The following ARHGAP29 variants were observed in gnomAD, a reference collection of about 807,000 sequenced individuals.
ARHGAP29 encodes the protein rho GTPase-activating protein 29.
A neutral mutation model predicts 122.6 loss-of-function variants in ARHGAP29; 43 were observed. The ratio of observed to expected loss-of-function variants is 0.35; its 90% CI spans 0.27 to 0.45. ARHGAP29 has a LOEUF of 0.45. Ranked by LOEUF, ARHGAP29 falls within the 20% of genes least tolerant of loss-of-function variation. The pLI is 1.00. For synonymous variants in ARHGAP29, 506 were observed against 497.1 expected (o/e 1.02, Z -0.24); for missense variants, 1,303 against 1,477.2 (o/e 0.88, Z 1.93).
At chr1:94,257,920 G>A (rs1328668409) in intron 1 of ARHGAP29, among the ~76,000 whole-genome samples, 1 of 152,218 alleles carries the variant, frequency 6.6e-6, no homozygotes, top group Non-Finnish European at 1.5e-5. Context: ...TCCAGCATAT[G>A]CACTGATTTG....
At chr1:94,235,264 A>T (rs1653183807) in intron 1 of ARHGAP29, among the ~76,000 whole-genome samples, 2 of 152,360 alleles carry the variant, frequency 1.3e-5, no homozygotes, top group East Asian at 3.9e-4. Flanking sequence ...ATGAACTATG[A>T]TAATGAGAAG....
In ARHGAP29 at chr1:94,203,266, A is replaced by G. The variant is rs1570531970; in HGVS notation, c.763-56T>C. 72 of 1,258,052 alleles carry G rather than the reference A, an allele frequency of 5.7e-5. 1 individual carries two copies. The South Asian group carries it at 9.8e-4, about 17-fold the overall frequency. 77.9% of individuals were successfully genotyped at this position (1,258,052 alleles called of 1,614,324 possible). A position where few individuals can be genotyped will look rare whatever the true frequency, so the allele number is the denominator to read the frequency against. On this transcript the variant is annotated intron_variant, in intron 8 of 22. Transcript: ENST00000260526. ...CAATAGAAATGGCACTAGAATTCCA[A>G]ACACATCACTACCCTTCTTCAAAAA...
Position 94,234,911 on chromosome 1 carries a change from C to A in ARHGAP29, c.-33+2504G>T, listed in dbSNP as rs184517455. 9.6e-3 allele frequency among the ~76,000 whole-genome samples: 1,457 copies of A among 152,200 alleles called. 11 individuals carry two copies. Among genetic ancestry groups the A allele is most frequent in the Middle Eastern group, 0.031 (9 of 294 alleles). On this transcript the variant is annotated intron_variant, in intron 1 of 22. Transcript: ENST00000260526. Reference sequence around the variant, plus strand: ...GTTACAAAAATTAAAGACATTAAAACAATTTACCTATTTTAGCAGAAATAA... The same window carrying A: ...GTTACAAAAATTAAAGACATTAAAAAAATTTACCTATTTTAGCAGAAATAA...
intron 3 of ARHGAP29, among the ~76,000 whole-genome samples, chr1:94,210,203 G>A (rs1474096522): frequency 6.6e-6 from 1 of 152,090 alleles, no homozygotes; most frequent in East Asian, 1.9e-4. Context: ...TTCCCTATAT[G>A]ACCCCTCCCT....
chr1:94,253,647 C>G (rs1201213515), intron 1 of ARHGAP29, among the ~76,000 whole-genome samples: 1 of 150,786 alleles, frequency 6.6e-6, no homozygotes, highest in Non-Finnish European at 1.5e-5. Context: ...CACGCACGCA[C>G]GCACGCACGC....
At chr1:94,278,377 A>C (rs1414321519), upstream of ARHGAP29, among the ~76,000 whole-genome samples, 3 of 152,236 alleles carry the variant, frequency 2.0e-5, no homozygotes, top group Non-Finnish European at 2.9e-5. Flanking sequence ...CTTTCAAGGA[A>C]TATTTCTGCA....
At chr1:94,251,718 C>G (rs1654104170) in intron 1 of ARHGAP29, among the ~76,000 whole-genome samples, 2 of 152,118 alleles carry the variant, frequency 1.3e-5, no homozygotes, top group African/African-American at 4.8e-5. Context: ...GTGACTTGTT[C>G]CTTGCTCCCT....
chr1:94,288,389 G>A, the ARHGAP29 span, among the ~76,000 whole-genome samples: 2 of 152,050 alleles, frequency 1.3e-5, no homozygotes, highest in Non-Finnish European at 2.9e-5. Flanking sequence ...TGTAGATTCT[G>A]GATATTAGCC....
chr1:94,204,972 G>T, intron 7 of ARHGAP29, 89 bp downstream of exon 7: 2 of 1,231,308 alleles, frequency 1.6e-6, no homozygotes, highest in Non-Finnish European at 2.2e-6. Context: ...GTACTAATTT[G>T]GAATTCTATT....
At position 94,171,219 on chromosome 1, in the gene ARHGAP29, C is replaced by G. The variant is rs769122123; in HGVS notation, c.*2650G>C. 5.9e-5 allele frequency among the ~76,000 whole-genome samples: 9 copies of G among 152,170 alleles called. No homozygotes were observed. The highest frequency in any genetic ancestry group is 1.3e-4 in the Non-Finnish European group (9 of 68,030). ...CCAAATAACTGAGGTACAATTCTAT[C>G]TGCTTGTGAGTTCACTAGGCAACAA... is the stretch of plus-strand genomic sequence containing the variant. On this transcript the variant is annotated 3_prime_UTR_variant, in exon 23 of 23. Transcript: ENST00000260526.
intron 3 of ARHGAP29, among the ~76,000 whole-genome samples, chr1:94,215,324 CA>C (rs570194324): frequency 5.4e-4 from 78 of 144,140 alleles, no homozygotes; most frequent in Admixed American, 1.5e-3. Context: ...CAAAACAAAA[CA>C]AAAAAAAAAC....
At chr1:94,182,414 T>G (rs1396286286) in intron 19 of ARHGAP29, among the ~76,000 whole-genome samples, 1 of 152,046 alleles carries the variant, frequency 6.6e-6, no homozygotes, top group Non-Finnish European at 1.5e-5. Flanking sequence ...AAATGGGAAG[T>G]TCCAAAAACT....
In ARHGAP29 at chr1:94,168,911, C is replaced by T. The variant is rs1218669421; in HGVS notation, c.*4958G>A. On this transcript the variant is annotated 3_prime_UTR_variant, in exon 23 of 23. Transcript: ENST00000260526. ...AAAACTTGTAACTCAGAAGCATAGC[C>T]AATTAGTCGTTTAATCTATTTTCTG... 6.6e-6 allele frequency among the ~76,000 whole-genome samples: 1 copy of T among 152,090 alleles called. No homozygotes were observed. Among genetic ancestry groups the T allele is most frequent in the African/African-American group, 2.4e-5 (1 of 41,398 alleles).
the ARHGAP29 span, among the ~76,000 whole-genome samples, chr1:94,291,170 T>C: frequency 1.3e-5 from 2 of 152,244 alleles, no homozygotes; most frequent in South Asian, 2.1e-4. Flanking sequence ...TACCATTATG[T>C]AATGGCCTTC....
chr1:94,288,118 G>A, the ARHGAP29 span, among the ~76,000 whole-genome samples: 1 of 152,186 alleles, frequency 6.6e-6, no homozygotes, highest in Non-Finnish European at 1.5e-5. Flanking sequence ...CACCAACAGT[G>A]TAAAAGCATT....
chr1:94,273,476 A>AAAAAAATATT (rs1655071597), intron 1 of ARHGAP29, among the ~76,000 whole-genome samples: 1 of 152,180 alleles, frequency 6.6e-6, no homozygotes, highest in Non-Finnish European at 1.5e-5. Context: ...ACAAAAAACC[A>AAAAAAATATT]TTTGATATTT....
chr1:94,215,199 G>A (rs957674490), intron 3 of ARHGAP29, among the ~76,000 whole-genome samples: 1 of 150,178 alleles, frequency 6.7e-6, no homozygotes, highest in Non-Finnish European at 1.5e-5. Context: ...TGCTTCTGAG[G>A]AACATAAAAG....
At chr1:94,243,658 C>A (rs1378892743) in intron 1 of ARHGAP29, among the ~76,000 whole-genome samples, 1 of 151,590 alleles carries the variant, frequency 6.6e-6, no homozygotes, top group African/African-American at 2.4e-5. Flanking sequence ...CAAATTATAC[C>A]CAAAGTAAGC....
At chr1:94,220,663 A>G (rs1652239426) in intron 2 of ARHGAP29, among the ~76,000 whole-genome samples, 1 of 152,250 alleles carries the variant, frequency 6.6e-6, no homozygotes, top group East Asian at 1.9e-4. Flanking sequence ...CAATCTTAAT[A>G]TGTGCTCCAG....
Sources: gnomAD v4.1 joint callset for allele counts (sites outside exome capture counted in the v4.1 genomes callset) on GRCh38, gnomAD v4.1.1 for gene constraint, MANE v1.5 for transcripts, NCBI Gene and HGNC (gene_info 2026-07-23, HGNC 2026-07-21) for gene names.